CPT1C: variants seen among roughly 807,000 people sequenced by gnomAD.
The protein encoded by CPT1C is palmitoyl thioesterase CPT1C.
Under a neutral mutation model 97.3 loss-of-function variants are expected in CPT1C, and 61 were observed. The ratio of observed to expected loss-of-function variants is 0.63; its 90% CI spans 0.51 to 0.78. CPT1C has a LOEUF of 0.78. Among genes scored for constraint, CPT1C ranks in the 30% least tolerant of loss-of-function variants. The probability of loss-of-function intolerance (pLI) is 0.00; values close to 1 mark genes in which losing one functional copy is unlikely to be tolerated. For missense variants in CPT1C, 975 were observed against 1,065.5 expected, an observed-to-expected ratio of 0.92 and a Z score of 1.18; for synonymous variants, 469 against 447.2, an observed-to-expected ratio of 1.05 and a Z score of -0.61.
In CPT1C at chr19:49,701,828, AAT is replaced by A. The variant is rs1491255573; in HGVS notation, c.693+201_693+202del. On this transcript the variant is annotated intron_variant, in intron 7 of 19. Transcript: ENST00000598293. ...ACCTCCACATTTATATATATATAAA[AAT>A]ATATATGTATATATATTTATTTATA... Among the ~76,000 whole-genome samples, 4 of 124,724 alleles carry A rather than the reference AAT, an allele frequency of 3.2e-5. 1 individual carries two copies. Among genetic ancestry groups the A allele is most frequent in the South Asian group, 4.6e-4 (2 of 4,324 alleles). The allele number at this position is 124,724 out of a possible 152,430, so 81.8% of individuals were successfully genotyped here.
At chr19:49,711,534 C>A in intron 16 of CPT1C, 3 of 487,512 alleles carry the variant, frequency 6.2e-6, no homozygotes, top group Non-Finnish European at 1.1e-5. Context: ...TTGCCCTACA[C>A]CTAGCCCCGC....
chr19:49,701,328 C>T lies in CPT1C; in HGVS notation c.465C>T (p.Arg155=), dbSNP rs1170809781. Residue 155 remains arginine (R), a synonymous_variant, in exon 6 of 20, where the codon CGC becomes CGT. Coordinates refer to ENST00000598293, the MANE Select transcript of CPT1C (RefSeq NM_001199753.2). ...SPTKTWLALV[R]IFSGRHPMLF... is the part of the protein sequence containing the mutation. ...CTCCTCCTCCCCAGGCCCTGGTCCG[C>T]ATCTTCTCTGGCCGCCACCCGATGC... is the stretch of plus-strand genomic sequence containing the variant. The T allele has an allele frequency of 1.2e-6, 2 of 1,612,886 alleles. No individual in the cohort carries two copies. Among genetic ancestry groups the T allele is most frequent in the South Asian group, 1.1e-5 (1 of 90,876 alleles).
Position 49,692,315 on chromosome 19 carries a change from G to A in CPT1C, c.63G>A (p.Val21=). 1 of 1,614,132 alleles carries A rather than the reference G, an allele frequency of 6.2e-7. No homozygotes were observed. Among genetic ancestry groups the A allele is most frequent in the Non-Finnish European group, 8.5e-7 (1 of 1,180,012 alleles). ...RPSLTSDGAE[V]ELSAPVLQEI... is the part of the protein sequence containing the mutation. ...CGCTGACCTCGGACGGGGCTGAAGTGGAACTCAGTGCCCCTGTGCTGCAGG... is the reference window on the plus strand; with the variant it reads ...CGCTGACCTCGGACGGGGCTGAAGTAGAACTCAGTGCCCCTGTGCTGCAGG... Residue 21 remains valine, a synonymous_variant, in exon 3 of 20, where the codon GTG becomes GTA. Coordinates refer to ENST00000598293, the MANE Select transcript of CPT1C (RefSeq NM_001199753.2).
At chr19:49,703,132 C>T (rs530764466) in intron 7 of CPT1C, among the ~76,000 whole-genome samples, 1 of 150,338 alleles carries the variant, frequency 6.7e-6, no homozygotes, top group South Asian at 2.1e-4. Context: ...TCCCTCCCTC[C>T]CTCCCTCCTT....
intron 2 of CPT1C, 172 bp downstream of exon 2, chr19:49,692,061 G>A (rs2082380798): frequency 6.9e-6 from 4 of 577,382 alleles, no homozygotes; most frequent in Non-Finnish European, 1.2e-5. Context: ...AGGGGCTGGG[G>A]CCTGGGCTTC....
chr19:49,713,090 A>G, intron 19 of CPT1C, 26 bp downstream of exon 19: 2 of 1,578,178 alleles, frequency 1.3e-6, no homozygotes, highest in Non-Finnish European at 1.7e-6. Flanking sequence ...ATACCCACCA[A>G]CTCCCTCTTT....
In CPT1C at chr19:49,710,797, G is replaced by A; in HGVS notation, c.1806G>A (p.Val602=). ...RLFLEGRTET[V]RSCTREACNF... ...TCCTGGAAGGCCGGACGGAGACGGT[G>A]CGGTCTTGCACGAGGGAGGCCTGCA... The change falls in exon 16 of 20, where the codon GTG becomes GTA. Residue 602 remains valine (V), a synonymous_variant. Transcript: ENST00000598293. The A allele has an allele frequency of 6.2e-7, 1 of 1,614,104 alleles. No individual in the cohort carries two copies. Among genetic ancestry groups the A allele is most frequent in the Non-Finnish European group, 8.5e-7 (1 of 1,179,982 alleles).
rs762616491 is a variant in CPT1C at position 49,713,589 on chromosome 19, C to T, written c.2396C>T (p.Thr799Ile). The change falls in exon 20 of 20, where the codon ACA (threonine) becomes ATA (isoleucine). Residue 799 changes from threonine (T) to isoleucine (I), a missense_variant. Physicochemically the swap from Thr to Ile is moderately conservative, Grantham distance 89. Transcript: ENST00000598293. ...ACTGGGGCCTCCAAGGCCTCAATGA[C>T]ATCCACCGACTTCTGACTCCTTCCA... The part of the protein sequence containing the change: ...RQTGASKASM[T>I]STDF 5.0e-6 allele frequency: 8 copies of T among 1,610,734 alleles called. No homozygotes were observed. The highest frequency in any genetic ancestry group is 3.3e-5 in the South Asian group (3 of 90,632).
chr19:49,697,652 C>T (rs1316749925), intron 4 of CPT1C, 187 bp downstream of exon 4: 9 of 606,272 alleles, frequency 1.5e-5, no homozygotes, highest in Non-Finnish European at 2.5e-5. Flanking sequence ...CCCCTGTAAT[C>T]CCAGCACATT....
In CPT1C at chr19:49,700,870, T is replaced by C. The variant is rs1934638169; in HGVS notation, c.453+15T>C. On this transcript the variant is annotated intron_variant, in intron 5 of 19. Transcript: ENST00000598293. ...AGACCTGGCTGGTATGGGAGGGGCA[T>C]AGCCCTGCTCAGGCTCTCCTGGGAC... 1.9e-6 allele frequency: 3 copies of C among 1,609,792 alleles called. No individual in the cohort carries two copies. The highest frequency in any genetic ancestry group is 2.5e-6 in the Non-Finnish European group (3 of 1,179,202).
chr19:49,695,896 C>A (rs945921464), intron 3 of CPT1C, among the ~76,000 whole-genome samples: 41 of 150,008 alleles, frequency 2.7e-4, no homozygotes, highest in Non-Finnish European at 1.2e-4. Context: ...TTTGAGACAG[C>A]GTCTCACTCT....
chr19:49,691,979 G>T (rs1362087241), intron 2 of CPT1C, 90 bp downstream of exon 2: 4 of 449,970 alleles, frequency 8.9e-6, no homozygotes, highest in Non-Finnish European at 1.6e-5. Flanking sequence ...TGAGGGAGGA[G>T]GGGCTGGGGC....
chr19:49,696,676 A>G (rs1315308219), intron 3 of CPT1C: 1 of 148,936 alleles, frequency 6.7e-6, no homozygotes, highest in Non-Finnish European at 1.5e-5. Flanking sequence ...TCTGTCACCC[A>G]GGCTGGAGTG....
At position 49,713,618 on chromosome 19, in the gene CPT1C, GGCA is replaced by G; in HGVS notation, c.*16_*18del. On this transcript the variant is annotated 3_prime_UTR_variant, in exon 20 of 20. Coordinates refer to ENST00000598293, the MANE Select transcript of CPT1C (RefSeq NM_001199753.2). ...CACCGACTTCTGACTCCTTCCAGCA[GGCA>G]GCTGGCCTCTCCAAGGAATAAGGGT... 6.2e-7 allele frequency: 1 copy of G among 1,601,530 alleles called. No individual in the cohort carries two copies. The highest frequency in any genetic ancestry group is 8.5e-7 in the Non-Finnish European group (1 of 1,173,770).
intron 4 of CPT1C, among the ~76,000 whole-genome samples, chr19:49,699,060 G>C (rs145192871): frequency 1.3e-5 from 2 of 151,996 alleles, no homozygotes; most frequent in Non-Finnish European, 2.9e-5. Flanking sequence ...GCGAGATCAC[G>C]CCACTGCACT....
Position 49,708,803 on chromosome 19 carries a change from C to G in CPT1C, c.1530C>G (p.Pro510=). The G allele has an allele frequency of 2.5e-6, 4 of 1,613,824 alleles. No individual in the cohort carries two copies. Among genetic ancestry groups the G allele is most frequent in the Non-Finnish European group, 2.5e-6 (3 of 1,179,848 alleles). ...AGGGGCACCCGGACCCCACACTACCCCAGCCCCAGCGGCTGCAATGGGACC... is the reference window on the plus strand; with the variant it reads ...AGGGGCACCCGGACCCCACACTACCGCAGCCCCAGCGGCTGCAATGGGACC... ...HCKGHPDPTL[P]QPQRLQWDLP... Residue 510 remains proline, a synonymous_variant, in exon 14 of 20, where the codon CCC becomes CCG. Transcript: ENST00000598293.
intron 5 of CPT1C, 112 bp downstream of exon 5, chr19:49,700,967 T>C (rs2082990755): frequency 8.6e-7 from 1 of 1,164,730 alleles, no homozygotes; most frequent in Admixed American, 2.0e-5. Context: ...TCTCTCTGGG[T>C]CTCTTCCCCC....
Position 49,710,812 on chromosome 19 carries a change from G to A in CPT1C, c.1821G>A (p.Arg607=), listed in dbSNP as rs2083825430. The A allele has an allele frequency of 3.7e-6, 6 of 1,613,922 alleles. No homozygotes were observed. In the East Asian group the frequency reaches 1.1e-4, roughly 30 times the overall value. ...CGGAGACGGTGCGGTCTTGCACGAG[G>A]GAGGCCTGCAACTTTGTCAGGGCCA... ...GRTETVRSCT[R]EACNFVRAME... is the part of the protein sequence containing the mutation. Residue 607 remains arginine, a synonymous_variant, in exon 16 of 20, where the codon AGG becomes AGA. Transcript: ENST00000598293.
Position 49,701,987 on chromosome 19 carries a change from TA to T in CPT1C, c.693+356del. ...ATATATAAATTTATAAATAAATATATAAATATTATAAATATATTAAATATAT... is the reference window on the plus strand; with the variant it reads ...ATATATAAATTTATAAATAAATATATAATATTATAAATATATTAAATATAT... On this transcript the variant is annotated intron_variant, in intron 7 of 19. Transcript: ENST00000598293. 6.5e-5 allele frequency among the ~76,000 whole-genome samples: 4 copies of T among 61,450 alleles called. 1 individual carries two copies. Among genetic ancestry groups the T allele is most frequent in the African/African-American group, 2.2e-4 (4 of 17,964 alleles). 40.3% of individuals were successfully genotyped at this position (61,450 alleles called of 152,430 possible).
Sources: allele counts gnomAD v4.1 joint callset (sites outside exome capture counted in the v4.1 genomes callset), GRCh38; gene constraint gnomAD v4.1.1; transcripts MANE v1.5; gene names NCBI Gene and HGNC (gene_info 2026-07-23, HGNC 2026-07-21).